AGBL4: variants seen among roughly 807,000 people sequenced by gnomAD.
AGBL4 encodes the protein AGBL carboxypeptidase 4.
Under a neutral mutation model 66.4 loss-of-function variants are expected in AGBL4, and 58 were observed. The observed-to-expected ratio is 0.87, with a 90% CI of 0.71 to 1.09. The LOEUF is 1.09. Ranked by LOEUF, AGBL4 falls within the 50% of genes least tolerant of loss-of-function variation. AGBL4 has a pLI of 0.00. For missense variants in AGBL4, 579 were observed against 631.0 expected (o/e 0.92, Z 0.88); for synonymous variants, 234 against 222.9 (o/e 1.05, Z -0.44).
intron 4 of AGBL4, among the ~76,000 whole-genome samples, chr1:49,094,138 C>A (rs1469978677): frequency 6.6e-6 from 1 of 152,086 alleles, no homozygotes; most frequent in African/African-American, 2.4e-5. Context: ...GATTCTCATA[C>A]AGTGCTGGCA....
chr1:48,593,514 G>A (rs1435790576), intron 9 of AGBL4, among the ~76,000 whole-genome samples: 1 of 152,176 alleles, frequency 6.6e-6, no homozygotes, highest in Non-Finnish European at 1.5e-5. Flanking sequence ...CACTTTGGGA[G>A]GCAAAGGCAG....
chr1:48,990,468 A>G (rs986346222), intron 5 of AGBL4, among the ~76,000 whole-genome samples: 7 of 152,114 alleles, frequency 4.6e-5, no homozygotes, highest in Admixed American at 3.9e-4. Context: ...GCAAAGACCA[A>G]TGTCCTGGAG....
intron 2 of AGBL4, among the ~76,000 whole-genome samples, chr1:49,830,272 G>A (rs567340257): frequency 6.6e-6 from 1 of 152,052 alleles, no homozygotes; most frequent in African/African-American, 2.4e-5. Flanking sequence ...ATCCTCTCCA[G>A]CATGTTATCT....
chr1:48,703,920 A>G (rs969802220), intron 6 of AGBL4, among the ~76,000 whole-genome samples: 2 of 152,238 alleles, frequency 1.3e-5, no homozygotes, highest in Non-Finnish European at 2.9e-5. Flanking sequence ...GGATGGGGAT[A>G]TGTTCTGGGA....
chr1:49,285,208 T>A (rs1417863244), intron 3 of AGBL4, among the ~76,000 whole-genome samples: 2 of 152,092 alleles, frequency 1.3e-5, no homozygotes, highest in Non-Finnish European at 2.9e-5. Context: ...CACTCAGGAT[T>A]AAGAATCTCA....
chr1:49,832,464 C>T (rs1457937617), intron 2 of AGBL4, among the ~76,000 whole-genome samples: 2 of 150,584 alleles, frequency 1.3e-5, no homozygotes, highest in South Asian at 2.2e-4. Flanking sequence ...CATACGTGTG[C>T]ATGTGTCTTT....
chr1:48,608,612 C>T (rs889675166), intron 9 of AGBL4, among the ~76,000 whole-genome samples: 1 of 151,942 alleles, frequency 6.6e-6, no homozygotes, highest in African/African-American at 2.4e-5. Context: ...GATGGATGGA[C>T]AAGACAGGCA....
intron 3 of AGBL4, among the ~76,000 whole-genome samples, chr1:49,427,151 C>T (rs1645679797): frequency 6.6e-6 from 1 of 151,992 alleles, no homozygotes; most frequent in African/African-American, 2.4e-5. Flanking sequence ...TGATTGAGCA[C>T]CAATAGTACT....
intron 2 of AGBL4, among the ~76,000 whole-genome samples, chr1:49,741,195 G>A (rs1052605399): frequency 6.6e-6 from 1 of 152,036 alleles, no homozygotes; most frequent in Non-Finnish European, 1.5e-5. Context: ...TCAAATAGAT[G>A]CAATAAAAAA....
At chr1:49,903,270 A>G (rs956335025) in intron 1 of AGBL4, among the ~76,000 whole-genome samples, 2 of 152,174 alleles carry the variant, frequency 1.3e-5, no homozygotes, top group Admixed American at 1.3e-4. Flanking sequence ...CAAATACTGC[A>G]TGTTCTCGCT....
intron 2 of AGBL4, among the ~76,000 whole-genome samples, chr1:49,765,205 C>T (rs1316876297): frequency 6.6e-6 from 1 of 151,992 alleles, no homozygotes; most frequent in Non-Finnish European, 1.5e-5. Context: ...CAACAGAGTA[C>T]ACTCCACAGT....
chr1:49,459,172 G>A (rs1646456488), intron 3 of AGBL4, among the ~76,000 whole-genome samples: 1 of 151,596 alleles, frequency 6.6e-6, no homozygotes, highest in South Asian at 2.1e-4. Flanking sequence ...AGTGTCAGTA[G>A]GATTGGTACC....
At chr1:48,969,910 A>C (rs778195042) in intron 5 of AGBL4, among the ~76,000 whole-genome samples, 1 of 152,226 alleles carries the variant, frequency 6.6e-6, no homozygotes, top group Non-Finnish European at 1.5e-5. Flanking sequence ...AACATTCATC[A>C]AACACATGTG....
intron 5 of AGBL4, among the ~76,000 whole-genome samples, chr1:48,952,153 A>G (rs1433394268): frequency 6.6e-6 from 1 of 152,254 alleles, no homozygotes; most frequent in Admixed American, 6.5e-5. Context: ...CAAGTGCACA[A>G]TGTCTCCAGA....
rs58493461 is a variant in AGBL4 at position 48,837,663 on chromosome 1, AACACAC to A, written c.634+29522_634+29527del. ...TTGTGTGAGTTAATATTACTTAATG[AACACAC>A]ACACACACACACACACACGCACACA... On this transcript the variant is annotated intron_variant, in intron 6 of 13. Coordinates refer to ENST00000371839, the MANE Select transcript of AGBL4 (RefSeq NM_032785.4). 6.8e-4 allele frequency among the ~76,000 whole-genome samples: 82 copies of A among 121,282 alleles called. 1 individual carries two copies. The highest frequency in any genetic ancestry group is 3.9e-3 in the East Asian group (14 of 3,628). 79.6% of individuals were successfully genotyped at this position (121,282 alleles called of 152,430 possible). A position where few individuals can be genotyped will look rare whatever the true frequency, so the allele number is the denominator to read the frequency against.
chr1:49,340,493 T>G (rs756899809), intron 3 of AGBL4, among the ~76,000 whole-genome samples: 2 of 152,190 alleles, frequency 1.3e-5, no homozygotes, highest in Non-Finnish European at 2.9e-5. Flanking sequence ...GTACTATTTA[T>G]TTTCACTATT....
At chr1:49,177,795 A>G (rs1475903161) in intron 4 of AGBL4, among the ~76,000 whole-genome samples, 2 of 152,196 alleles carry the variant, frequency 1.3e-5, no homozygotes, top group Admixed American at 1.3e-4. Flanking sequence ...CCTGCTGCAT[A>G]GAAAGACAGC....
intron 5 of AGBL4, among the ~76,000 whole-genome samples, chr1:48,996,817 C>CCCTTCCTTCCTTCCTTCCTT (rs58530293): frequency 0.042 from 6,138 of 147,804 alleles, 261 homozygotes; most frequent in African/African-American, 0.098. Flanking sequence ...CTTCCTTCCT[C>CCCTTCCTTCCTTCCTTCCTT]CCTTCCTTCC....
At chr1:49,648,187 T>G (rs1212623258) in intron 3 of AGBL4, among the ~76,000 whole-genome samples, 3 of 151,908 alleles carry the variant, frequency 2.0e-5, no homozygotes, top group Non-Finnish European at 4.4e-5. Context: ...AACAAAGAAA[T>G]TCTAGGGATT....
Sources: allele counts gnomAD v4.1 joint callset (sites outside exome capture counted in the v4.1 genomes callset), GRCh38; gene constraint gnomAD v4.1.1; transcripts MANE v1.5; gene names NCBI Gene and HGNC (gene_info 2026-07-23, HGNC 2026-07-21).